DSTYK: variants seen among roughly 807,000 people sequenced by gnomAD.
DSTYK encodes dual serine/threonine and tyrosine protein kinase, also known as RIP-homologous kinase.
Under a neutral mutation model 98.7 loss-of-function variants are expected in DSTYK, and 34 were observed. That is an observed-to-expected ratio of 0.34 (90% confidence interval 0.26 to 0.46). DSTYK has a LOEUF of 0.46. Among genes scored for constraint, DSTYK ranks in the 20% least tolerant of loss-of-function variants. The pLI, the probability that DSTYK is intolerant of heterozygous loss-of-function variation, is 1.00. For missense variants in DSTYK, 962 were observed against 1,181.7 expected (o/e 0.81, Z 2.73); for synonymous variants, 462 against 457.3 (o/e 1.01, Z -0.13).
In DSTYK at chr1:205,211,497, G is replaced by C. The variant is rs1239672273; in HGVS notation, c.39C>G (p.Val13=). Residue 13 remains valine (V), a synonymous_variant, in exon 1 of 13, where the codon GTC becomes GTG. Coordinates refer to ENST00000367162, the MANE Select transcript of DSTYK (RefSeq NM_015375.3). ...GDGVPWGSEP[V]SGPGPGGGGM... ...CGCCGCCGCCGGGGCCGGGACCCGA[G>C]ACGGGCTCGCTGCCCCATGGCACCC... 1 of 1,576,466 alleles carries C rather than the reference G, an allele frequency of 6.3e-7. No individual in the cohort carries two copies. The highest frequency in any genetic ancestry group is 8.6e-7 in the Non-Finnish European group (1 of 1,166,362).
chr1:205,192,696 T>C (rs1008601639), intron 1 of DSTYK, among the ~76,000 whole-genome samples: 5 of 151,864 alleles, frequency 3.3e-5, no homozygotes, highest in Admixed American at 2.0e-4. Context: ...ACCCCATCTC[T>C]ACTAGAAATA....
chr1:205,179,987 AAAG>A lies in DSTYK; in HGVS notation c.654+7428_654+7430del, dbSNP rs370371401. Among the ~76,000 whole-genome samples, 340 of 152,346 alleles carry A rather than the reference AAAG, an allele frequency of 2.2e-3. 5 individuals carry two copies. In the South Asian group the frequency reaches 0.028, roughly 13 times the overall value. ...AGAATCCTAGCAAAGGCAGAAGACA[AAAG>A]AAGAAGATTAAGACTGTGACTGCTG... On this transcript the variant is annotated intron_variant, in intron 2 of 12. Coordinates refer to ENST00000367162, the MANE Select transcript of DSTYK (RefSeq NM_015375.3).
chr1:205,182,318 A>G (rs148472965), intron 2 of DSTYK, among the ~76,000 whole-genome samples: 1 of 151,866 alleles, frequency 6.6e-6, no homozygotes, highest in Non-Finnish European at 1.5e-5. Context: ...GAATCACTTG[A>G]GCCAGAAGTT....
chr1:205,161,111 G>C, intron 7 of DSTYK, 147 bp downstream of exon 7: 2 of 1,015,216 alleles, frequency 2.0e-6, no homozygotes, highest in South Asian at 3.2e-5. Context: ...AGCAGGAAGA[G>C]ACTTTAGGAA....
rs1472540962 is a variant in DSTYK, at chr1:205,211,475, C to T, written c.61G>A (p.Gly21Ser). The T allele has an allele frequency of 7.6e-6, 12 of 1,587,358 alleles. No individual in the cohort carries two copies. The highest frequency in any genetic ancestry group is 1.0e-5 in the Non-Finnish European group (12 of 1,170,960). The change falls in exon 1 of 13, where the codon GGC (glycine) becomes AGC (serine). Residue 21 changes from glycine (G) to serine (S), a missense_variant. This residue lies in a region of DSTYK where 168 missense variants were observed against 120.0 expected (regional missense o/e 1.40). Coordinates refer to ENST00000367162, the MANE Select transcript of DSTYK (RefSeq NM_015375.3). ...CGGCACAGCTCGCGGATCATTCCGC[C>T]GCCGCCGGGGCCGGGACCCGAGACG... Reference protein sequence around the residue: ...EPVSGPGPGGGGMIRELCRGF... With the variant: ...EPVSGPGPGGSGMIRELCRGF...
intron 1 of DSTYK, chr1:205,202,793 GA>G: frequency 1.7e-6 from 1 of 584,440 alleles, no homozygotes; most frequent in Non-Finnish European, 3.0e-6. Flanking sequence ...AAAAAGGAAA[GA>G]AAAGAAAGTA....
intron 4 of DSTYK, among the ~76,000 whole-genome samples, 167 bp downstream of exon 4, chr1:205,163,556 A>G (rs1657798674): frequency 2.0e-5 from 3 of 152,206 alleles, no homozygotes; most frequent in African/African-American, 7.2e-5. Context: ...ACAGCTCACC[A>G]ACATCTCCCA....
intron 10 of DSTYK, among the ~76,000 whole-genome samples, chr1:205,156,825 C>A (rs1252714735): frequency 6.6e-6 from 1 of 152,252 alleles, no homozygotes; most frequent in South Asian, 2.1e-4. Context: ...CCACCCAAAT[C>A]TCATCTTGAA....
In DSTYK at chr1:205,211,640, GC is replaced by G; in HGVS notation, c.-106del. 9 of 1,353,528 alleles carry G rather than the reference GC, an allele frequency of 6.6e-6. No homozygotes were observed. Among genetic ancestry groups the G allele is most frequent in the Non-Finnish European group, 8.6e-6 (9 of 1,045,058 alleles). 83.8% of individuals were successfully genotyped at this position (1,353,528 alleles called of 1,614,324 possible). On this transcript the variant is annotated 5_prime_UTR_variant, in exon 1 of 13. Transcript: ENST00000367162. ...AGGGAGGAGGAATCCGCCTCCTGAC[GC>G]CCCCGCCTGCAGTCAGCCTGGCTCC... is the stretch of plus-strand genomic sequence containing the variant.
intron 1 of DSTYK, among the ~76,000 whole-genome samples, chr1:205,197,647 G>A (rs910895336): frequency 1.3e-5 from 2 of 152,050 alleles, no homozygotes; most frequent in African/African-American, 2.4e-5. Flanking sequence ...AGCAATAACA[G>A]GATTTGAACA....
intron 11 of DSTYK, among the ~76,000 whole-genome samples, chr1:205,149,643 C>G (rs1657345609): frequency 6.6e-6 from 1 of 152,210 alleles, no homozygotes; most frequent in Non-Finnish European, 1.5e-5. Flanking sequence ...GCTATCTAGT[C>G]TTACCTTGGT....
intron 11 of DSTYK, among the ~76,000 whole-genome samples, chr1:205,149,005 C>A (rs941002576): frequency 4.0e-5 from 6 of 150,470 alleles, no homozygotes; most frequent in African/African-American, 1.5e-4. Context: ...TGGGTTCAAG[C>A]GATTCTCCTG....
At position 205,211,643 on chromosome 1, in the gene DSTYK, C is replaced by T; in HGVS notation, c.-108G>A. The T allele has an allele frequency of 1.5e-6, 2 of 1,368,358 alleles. No individual in the cohort carries two copies. The highest frequency in any genetic ancestry group is 1.9e-6 in the Non-Finnish European group (2 of 1,055,798). The allele number at this position is 1,368,358 out of a possible 1,614,324, so 84.8% of individuals were successfully genotyped here. On this transcript the variant is annotated 5_prime_UTR_variant, in exon 1 of 13. Transcript: ENST00000367162. ...GAGGAGGAATCCGCCTCCTGACGCC[C>T]CCGCCTGCAGTCAGCCTGGCTCCCA... is the stretch of plus-strand genomic sequence containing the variant.
intron 1 of DSTYK, among the ~76,000 whole-genome samples, chr1:205,194,145 AAC>A (rs1251656669): frequency 6.6e-6 from 1 of 152,150 alleles, no homozygotes; most frequent in African/African-American, 2.4e-5. Flanking sequence ...TAAGCATAAA[AAC>A]AGTTTTCCCT....
intron 2 of DSTYK, among the ~76,000 whole-genome samples, chr1:205,175,177 T>C (rs1297373140): frequency 6.7e-6 from 1 of 149,914 alleles, no homozygotes; most frequent in Non-Finnish European, 1.5e-5. Context: ...TCTTGGCTCA[T>C]GCAAGCTCCG....
intron 1 of DSTYK, among the ~76,000 whole-genome samples, chr1:205,205,734 CGCGCCCA>C (rs1659179992): frequency 6.6e-6 from 1 of 152,064 alleles, no homozygotes; most frequent in Admixed American, 6.6e-5. Context: ...AGTGAGCCAC[CGCGCCCA>C]GCCGAAAATG....
rs981753856 is a variant in DSTYK at position 205,159,441 on chromosome 1, A to G, written c.2238+106T>C. 2.3e-5 allele frequency: 31 copies of G among 1,333,038 alleles called. No individual in the cohort carries two copies. The Middle Eastern group carries it at 7.9e-4, about 34-fold the overall frequency. 82.6% of individuals were successfully genotyped at this position (1,333,038 alleles called of 1,614,324 possible). A position where few individuals can be genotyped will look rare whatever the true frequency, so the allele number is the denominator to read the frequency against. On this transcript the variant is annotated intron_variant, in intron 9 of 12. Coordinates refer to ENST00000367162, the MANE Select transcript of DSTYK (RefSeq NM_015375.3). ...AAGTGAAATAAACCCTAATTACTCC[A>G]ACAATCTCTGATGAAAGCTAAAAGC... is the stretch of plus-strand genomic sequence containing the variant.
chr1:205,202,279 A>G, intron 1 of DSTYK: 1 of 639,984 alleles, frequency 1.6e-6, no homozygotes, highest in Non-Finnish European at 3.0e-6. Context: ...AAGAATACTC[A>G]TGACACTTCT....
chr1:205,196,638 G>T (rs1212440856), intron 1 of DSTYK, among the ~76,000 whole-genome samples: 1 of 151,874 alleles, frequency 6.6e-6, no homozygotes. Context: ...ACTGGAAGGA[G>T]GTTTTTTGAG....
Sources: gnomAD v4.1 joint callset for allele counts (sites outside exome capture counted in the v4.1 genomes callset) on GRCh38, gnomAD v4.1.1 for gene constraint, gnomAD v4.1.1 regional missense constraint, MANE v1.5 for transcripts, NCBI Gene and HGNC (gene_info 2026-07-23, HGNC 2026-07-21) for gene names.